BCL11B: variants seen among roughly 807,000 people sequenced by gnomAD.
BCL11B encodes B-cell lymphoma/leukemia 11B.
In BCL11B, 8 loss-of-function variants were observed where a neutral mutation model predicts 49.9. The ratio of observed to expected loss-of-function variants is 0.16; its 90% CI spans 0.09 to 0.29. The LOEUF (loss-of-function observed/expected upper bound fraction) is 0.29. Ranked by LOEUF, BCL11B falls within the 10% of genes least tolerant of loss-of-function variation. The pLI, the probability that BCL11B is intolerant of heterozygous loss-of-function variation, is 1.00. For synonymous variants in BCL11B, 739 were observed against 637.4 expected (o/e 1.16, Z -2.40); for missense variants, 1,006 against 1,351.0 (o/e 0.74, Z 4.00).
intron 3 of BCL11B, among the ~76,000 whole-genome samples, chr14:99,190,538 CTTTGT>C (rs977088865): frequency 5.9e-5 from 9 of 151,982 alleles, no homozygotes; most frequent in Admixed American, 3.3e-4. Context: ...TTGTCTGTGC[CTTTGT>C]TTTGTTTTGT....
intron 3 of BCL11B, among the ~76,000 whole-genome samples, chr14:99,214,468 G>A (rs942125785): frequency 2.0e-5 from 3 of 151,872 alleles, no homozygotes; most frequent in African/African-American, 7.3e-5. Context: ...TGAGACAGGA[G>A]GATCACTTGA....
At position 99,272,134 on chromosome 14, in the gene BCL11B, A is replaced by G. The variant is rs924453009; in HGVS notation, c.-916T>C. 2.6e-5 allele frequency among the ~76,000 whole-genome samples: 4 copies of G among 151,976 alleles called. No individual in the cohort carries two copies. Among genetic ancestry groups the G allele is most frequent in the Non-Finnish European group, 5.9e-5 (4 of 67,958 alleles). ...TCGGTGCGGGCGCAGACTGGGAGCT[A>G]TAGATTGCAACGTGAAGATGGCGGA... On this transcript the variant is annotated 5_prime_UTR_variant, in exon 1 of 4. Coordinates refer to ENST00000357195, the MANE Select transcript of BCL11B (RefSeq NM_138576.4). The surrounding 1 kb of genome is among the most constrained non-coding windows in gnomAD (Gnocchi z 6.0).
In BCL11B at chr14:99,194,430, T is replaced by C. The variant is rs1887123109; in HGVS notation, c.641-18235A>G. The stretch of plus-strand genomic sequence containing the variant: ...AGATGCCTGTAGGCATGGCCAGAGC[T>C]CTGTCCTTCTCGGCTTCTGCCCTGT... On this transcript the variant is annotated intron_variant, in intron 3 of 3. Coordinates refer to ENST00000357195, the MANE Select transcript of BCL11B (RefSeq NM_138576.4). The surrounding 1 kb of genome is among the most constrained non-coding windows in gnomAD (Gnocchi z 4.6). Among the ~76,000 whole-genome samples, 1 of 152,210 alleles carries C rather than the reference T, an allele frequency of 6.6e-6. No homozygotes were observed. Among genetic ancestry groups the C allele is most frequent in the Non-Finnish European group, 1.5e-5 (1 of 68,032 alleles).
chr14:99,189,739 C>T (rs1886967289), intron 3 of BCL11B, among the ~76,000 whole-genome samples: 1 of 152,206 alleles, frequency 6.6e-6, no homozygotes, highest in African/African-American at 2.4e-5. Flanking sequence ...GGAGGCCAGG[C>T]TGATGACAAA....
chr14:99,184,467 G>T lies in BCL11B; in HGVS notation c.641-8272C>A, dbSNP rs1886796199. On this transcript the variant is annotated intron_variant, in intron 3 of 3. Coordinates refer to ENST00000357195, the MANE Select transcript of BCL11B (RefSeq NM_138576.4). The surrounding 1 kb of genome is among the most constrained non-coding windows in gnomAD (Gnocchi z 6.1). ...TGGATGCTCACAGCCACTTTGGAAA[G>T]TGGGTTTTAACCCAGGTTCTCTAGA... Among the ~76,000 whole-genome samples the T allele has an allele frequency of 1.3e-5, 2 of 152,208 alleles. No individual in the cohort carries two copies. Among genetic ancestry groups the T allele is most frequent in the South Asian group, 4.1e-4 (2 of 4,832 alleles).
At chr14:99,230,695 G>A (rs551366393) in intron 3 of BCL11B, among the ~76,000 whole-genome samples, 7 of 152,312 alleles carry the variant, frequency 4.6e-5, no homozygotes, top group Admixed American at 1.3e-4. Context: ...CCGCCCGCCC[G>A]GGAGAGCAGG....
At position 99,175,174 on chromosome 14, in the gene BCL11B, C is replaced by T. The variant is rs1336991322; in HGVS notation, c.1662G>A (p.Ser554=). ...TCAGCTCCGAGTCCATGCTGAAGCTCGACTCGGGCCGGCTCTCGTTCTCCA... is the reference window on the plus strand; with the variant it reads ...TCAGCTCCGAGTCCATGCTGAAGCTTGACTCGGGCCGGCTCTCGTTCTCCA... ...LLLENESRPE[S]SFSMDSELSR... The change falls in exon 4 of 4, where the codon TCG becomes TCA. Residue 554 remains serine (S), a synonymous_variant. Coordinates refer to ENST00000357195, the MANE Select transcript of BCL11B (RefSeq NM_138576.4). 1 of 1,579,720 alleles carries T rather than the reference C, an allele frequency of 6.3e-7. No individual in the cohort carries two copies. The highest frequency in any genetic ancestry group is 8.6e-7 in the Non-Finnish European group (1 of 1,165,180).
chr14:99,189,930 C>G (rs531827060), intron 3 of BCL11B, among the ~76,000 whole-genome samples: 29 of 152,174 alleles, frequency 1.9e-4, no homozygotes, highest in Non-Finnish European at 3.8e-4. Flanking sequence ...CTGTGAATTC[C>G]AAGTGGCAGG....
intron 1 of BCL11B, among the ~76,000 whole-genome samples, chr14:99,260,330 C>A (rs886341215): frequency 2.0e-5 from 3 of 152,196 alleles, no homozygotes; most frequent in African/African-American, 7.2e-5. Flanking sequence ...ACATGGCCAG[C>A]TGGACCGTCC....
intron 3 of BCL11B, among the ~76,000 whole-genome samples, chr14:99,204,963 G>C (rs1483523104): frequency 6.6e-6 from 1 of 152,180 alleles, no homozygotes; most frequent in East Asian, 1.9e-4. Context: ...CACTTCATGT[G>C]ACAACACCAT....
intron 2 of BCL11B, among the ~76,000 whole-genome samples, chr14:99,252,636 G>A (rs1243627329): frequency 6.6e-5 from 10 of 152,194 alleles, no homozygotes; most frequent in Non-Finnish European, 1.2e-4. Flanking sequence ...CAGGGACATC[G>A]CAGCCAGGGC....
chr14:99,177,345 T>C (rs1886566474), intron 3 of BCL11B, among the ~76,000 whole-genome samples: 1 of 151,896 alleles, frequency 6.6e-6, no homozygotes, highest in South Asian at 2.1e-4. Flanking sequence ...ACTCGTGGTA[T>C]GGAGCCAAAA....
intron 3 of BCL11B, among the ~76,000 whole-genome samples, chr14:99,186,240 A>G (rs1251474557): frequency 1.3e-5 from 2 of 152,192 alleles, no homozygotes; most frequent in African/African-American, 2.4e-5. Context: ...ATAAGAGTGC[A>G]TCATGCACAG....
In BCL11B at chr14:99,173,349, C is replaced by T. The variant is rs577898976; in HGVS notation, c.*802G>A. Reference sequence around the variant, plus strand: ...CCTCCAAAAACCCTATCTCTGGCGGCGCTGAGTCTGTGGGGTGCCTCCCCC... The same window carrying T: ...CCTCCAAAAACCCTATCTCTGGCGGTGCTGAGTCTGTGGGGTGCCTCCCCC... On this transcript the variant is annotated 3_prime_UTR_variant, in exon 4 of 4. Coordinates refer to ENST00000357195, the MANE Select transcript of BCL11B (RefSeq NM_138576.4). 1.6e-4 allele frequency: 36 copies of T among 221,002 alleles called. No homozygotes were observed. The highest frequency in any genetic ancestry group is 6.9e-4 in the African/African-American group (31 of 44,642). 13.7% of individuals were successfully genotyped at this position (221,002 alleles called of 1,614,324 possible).
At position 99,175,956 on chromosome 14, in the gene BCL11B, T is replaced by G; in HGVS notation, c.880A>C (p.Met294Leu). 2.7e-6 allele frequency: 4 copies of G among 1,469,410 alleles called. No individual in the cohort carries two copies. Among genetic ancestry groups the G allele is most frequent in the Non-Finnish European group, 3.6e-6 (4 of 1,110,670 alleles). 91.0% of individuals were successfully genotyped at this position (1,469,410 alleles called of 1,614,324 possible). The change falls in exon 4 of 4, where the codon ATG becomes CTG. Residue 294 changes from methionine (M) to leucine (L), a missense_variant. By Grantham distance (15) the Met-to-Leu change is conservative. This residue lies in a region of BCL11B where 411 missense variants were observed against 542.2 expected (regional missense o/e 0.76). Transcript: ENST00000357195. The part of the protein sequence containing the change: ...GDSNPFNLLR[M>L]TGPILRDHPG... ...TGGTCCCGCAGGATGGGGCCCGTCA[T>G]GCGCAGCAGGTTGAAGGGGTTGCTG...
At chr14:99,179,934 C>T in intron 3 of BCL11B, among the ~76,000 whole-genome samples, 1 of 152,218 alleles carries the variant, frequency 6.6e-6, no homozygotes, top group South Asian at 2.1e-4. Context: ...AAGAGCCACT[C>T]AGAACATTTT....
chr14:99,215,675 G>A (rs537613573), intron 3 of BCL11B, among the ~76,000 whole-genome samples: 23 of 152,272 alleles, frequency 1.5e-4, no homozygotes, highest in Non-Finnish European at 2.5e-4. Flanking sequence ...AAGCCGGCTC[G>A]CACTGCCTCC....
At position 99,271,458 on chromosome 14, in the gene BCL11B, G is replaced by C; in HGVS notation, c.-240C>G. Reference sequence around the variant, plus strand: ...CTGTTTTTTGTTTTGTTTGCAAAAAGAAAAAAAAGGGAAGAAAAGCAAGAA... The same window carrying C: ...CTGTTTTTTGTTTTGTTTGCAAAAACAAAAAAAAGGGAAGAAAAGCAAGAA... On this transcript the variant is annotated 5_prime_UTR_variant, in exon 1 of 4. Transcript: ENST00000357195. 1 of 157,606 alleles carries C rather than the reference G, an allele frequency of 6.3e-6. No individual in the cohort carries two copies. The allele number at this position is 157,606 out of a possible 1,614,324, so 9.8% of individuals were successfully genotyped here.
chr14:99,237,116 CAATTCTAG>C (rs1888523822), intron 2 of BCL11B, among the ~76,000 whole-genome samples: 1 of 151,878 alleles, frequency 6.6e-6, no homozygotes, highest in African/African-American at 2.4e-5. Context: ...TAGAGAAGAA[CAATTCTAG>C]GGAGACTTCT....
Sources: allele counts gnomAD v4.1 joint callset (sites outside exome capture counted in the v4.1 genomes callset), GRCh38; gene constraint gnomAD v4.1.1; regional missense constraint gnomAD v4.1.1; non-coding constraint Gnocchi (gnomAD v3.1); transcripts MANE v1.5; gene names NCBI Gene and HGNC (gene_info 2026-07-23, HGNC 2026-07-21).